Variants in GABRG3 observed in about 807,000 individuals in gnomAD.
GABRG3 encodes the protein gamma-aminobutyric acid type A receptor subunit gamma3, also known as gamma-aminobutyric acid receptor subunit gamma-3.
Under a neutral mutation model 48.8 loss-of-function variants are expected in GABRG3, and 25 were observed. That is an observed-to-expected ratio of 0.51 (90% CI 0.37 to 0.72). The LOEUF is 0.72. GABRG3 is among the 30% of genes least tolerant of loss of function. The pLI, the probability that GABRG3 is intolerant of heterozygous loss-of-function variation, is 0.00. For synonymous variants in GABRG3, 227 were observed against 217.6 expected (o/e 1.04, Z -0.38); for missense variants, 394 against 577.9 (o/e 0.68, Z 3.26).
At chr15:27,248,803 C>CAGAGAGAGAG (rs1170812736) in intron 3 of GABRG3, among the ~76,000 whole-genome samples, 7 of 110,172 alleles carry the variant, frequency 6.4e-5, no homozygotes, top group African/African-American at 2.3e-4. Context: ...CACACACACA[C>CAGAGAGAGAG]AGAGAGAGAG....
intron 2 of GABRG3, among the ~76,000 whole-genome samples, chr15:26,978,037 G>A (rs1595451797): frequency 6.6e-6 from 1 of 152,072 alleles, no homozygotes; most frequent in African/African-American, 2.4e-5. Flanking sequence ...ATATTTAATA[G>A]GTTGATACCT....
chr15:27,033,147 C>A (rs1475320165), intron 3 of GABRG3, among the ~76,000 whole-genome samples: 1 of 151,918 alleles, frequency 6.6e-6, no homozygotes, highest in African/African-American at 2.4e-5. Context: ...TTTTTGACTT[C>A]TTGGCCAGTT....
At position 27,283,385 on chromosome 15, in the gene GABRG3, C is replaced by T. The variant is rs190429665; in HGVS notation, c.271-43424C>T. Reference sequence around the variant, plus strand: ...TTGGGAGGCCGAGGCGGGTGGATCACCTGAGGTCAGGAGTTCAAGACCAGC... The same window carrying T: ...TTGGGAGGCCGAGGCGGGTGGATCATCTGAGGTCAGGAGTTCAAGACCAGC... On this transcript the variant is annotated intron_variant, in intron 3 of 9. Coordinates refer to ENST00000615808, the MANE Select transcript of GABRG3 (RefSeq NM_033223.5). 6.6e-3 allele frequency among the ~76,000 whole-genome samples: 1,003 copies of T among 152,264 alleles called. 5 individuals are homozygous for T. The highest frequency in any genetic ancestry group is 0.011 in the Non-Finnish European group (781 of 68,020).
intron 3 of GABRG3, among the ~76,000 whole-genome samples, chr15:27,057,892 A>G (rs1896578000): frequency 6.6e-6 from 1 of 152,222 alleles, no homozygotes; most frequent in Admixed American, 6.5e-5. Flanking sequence ...AAGTCATGAC[A>G]GTCCGCTCCC....
At chr15:27,040,867 G>C (rs887960300) in intron 3 of GABRG3, among the ~76,000 whole-genome samples, 1 of 151,980 alleles carries the variant, frequency 6.6e-6, no homozygotes, top group Non-Finnish European at 1.5e-5. Context: ...TATGAAGTTG[G>C]TTCTCCTTTC....
chr15:27,519,972 G>A lies in GABRG3; in HGVS notation c.713G>A (p.Gly238Asp), dbSNP rs1398980741. ...TAATTTTGACAATATTTTATTACAGGTGATTATGTTGTCATGACTATATAT... is the reference window on the plus strand; with the variant it reads ...TAATTTTGACAATATTTTATTACAGATGATTATGTTGTCATGACTATATAT... The part of the protein sequence containing the change: ...NTTEIVTTSA[G>D]DYVVMTIYFE... The change falls in exon 7 of 10, where the codon GGT (glycine) becomes GAT (aspartate). Residue 238 changes from glycine to aspartate, a missense_variant and splice_region_variant. Coordinates refer to ENST00000615808, the MANE Select transcript of GABRG3 (RefSeq NM_033223.5). The A allele has an allele frequency of 6.6e-7, 1 of 1,516,008 alleles. No homozygotes were observed. The highest frequency in any genetic ancestry group is 2.4e-5 in the East Asian group (1 of 42,498). 93.9% of individuals were successfully genotyped at this position (1,516,008 alleles called of 1,614,324 possible).
At chr15:27,313,924 A>T (rs1201588194) in intron 3 of GABRG3, among the ~76,000 whole-genome samples, 1 of 152,062 alleles carries the variant, frequency 6.6e-6, no homozygotes, top group Non-Finnish European at 1.5e-5. Flanking sequence ...CGCTAGAAGA[A>T]TAACAAACTA....
chr15:27,293,058 C>T (rs993644747), intron 3 of GABRG3, among the ~76,000 whole-genome samples: 3 of 152,116 alleles, frequency 2.0e-5, no homozygotes, highest in Admixed American at 6.5e-5. Context: ...GTTCCTGGGG[C>T]GATGCCGTGA....
chr15:27,201,364 G>C (rs767701055), intron 3 of GABRG3, among the ~76,000 whole-genome samples: 55 of 151,404 alleles, frequency 3.6e-4, no homozygotes, highest in Non-Finnish European at 4.6e-4. Context: ...GTGTGTGTGT[G>C]TGTGTGTGAG....
chr15:27,145,610 T>TATCTATCTATC (rs1555405994), intron 3 of GABRG3, among the ~76,000 whole-genome samples: 36 of 135,224 alleles, frequency 2.7e-4, no homozygotes, highest in African/African-American at 8.9e-4. Context: ...TATCTCTATC[T>TATCTATCTATC]ATCTATCTAT....
At chr15:27,525,950 A>T (rs1566879566) in intron 7 of GABRG3, among the ~76,000 whole-genome samples, 2 of 98,310 alleles carry the variant, frequency 2.0e-5, no homozygotes, top group Admixed American at 2.2e-4. Context: ...CATAGAACTT[A>T]AAAAAGTAAA....
intron 3 of GABRG3, among the ~76,000 whole-genome samples, chr15:27,051,682 G>A (rs192822471): frequency 1.2e-4 from 19 of 152,300 alleles, no homozygotes; most frequent in Non-Finnish European, 2.1e-4. Flanking sequence ...GTTTTTCCAC[G>A]GACCAGGGCT....
chr15:27,249,693 TAA>T (rs905301724), intron 3 of GABRG3, among the ~76,000 whole-genome samples: 7 of 152,068 alleles, frequency 4.6e-5, no homozygotes, highest in Admixed American at 3.9e-4. Flanking sequence ...GTAAATGTAT[TAA>T]AGAGAGAATG....
At chr15:27,439,375 A>G (rs1295815341) in intron 5 of GABRG3, among the ~76,000 whole-genome samples, 2 of 152,210 alleles carry the variant, frequency 1.3e-5, no homozygotes, top group Admixed American at 1.3e-4. Context: ...ACATTGGGCT[A>G]AAGCATGTAA....
chr15:27,114,324 A>C (rs1897605353), intron 3 of GABRG3, among the ~76,000 whole-genome samples: 1 of 152,216 alleles, frequency 6.6e-6, no homozygotes, highest in Non-Finnish European at 1.5e-5. Context: ...AATGTTGTAG[A>C]AAATATATAT....
At chr15:27,446,326 G>T (rs1403273464) in intron 5 of GABRG3, among the ~76,000 whole-genome samples, 1 of 151,982 alleles carries the variant, frequency 6.6e-6, no homozygotes, top group Non-Finnish European at 1.5e-5. Context: ...AAAATATTTT[G>T]TAGGACATTC....
At chr15:27,185,082 T>G (rs1595572066) in intron 3 of GABRG3, among the ~76,000 whole-genome samples, 1 of 152,120 alleles carries the variant, frequency 6.6e-6, no homozygotes, top group African/African-American at 2.4e-5. Flanking sequence ...TGACTTTAGG[T>G]TTATTTTGCT....
At chr15:27,339,596 A>G (rs1894095694) in intron 5 of GABRG3, among the ~76,000 whole-genome samples, 1 of 152,162 alleles carries the variant, frequency 6.6e-6, no homozygotes, top group Non-Finnish European at 1.5e-5. Flanking sequence ...TCCTGCTAAG[A>G]TGACAGTGAA....
intron 3 of GABRG3, among the ~76,000 whole-genome samples, chr15:27,073,700 A>G (rs554990872): frequency 6.6e-6 from 1 of 152,336 alleles, no homozygotes; most frequent in African/African-American, 2.4e-5. Flanking sequence ...CTCAGTGGCT[A>G]AGATAACACA....
Sources: allele counts gnomAD v4.1 joint callset (sites outside exome capture counted in the v4.1 genomes callset), GRCh38; gene constraint gnomAD v4.1.1; transcripts MANE v1.5; gene names NCBI Gene and HGNC (gene_info 2026-07-23, HGNC 2026-07-21).